The following RALY variants were observed in gnomAD, a reference collection of about 807,000 sequenced individuals.
The protein encoded by RALY is RALY heterogeneous nuclear ribonucleoprotein.
Under a neutral mutation model 30.7 loss-of-function variants are expected in RALY, and 15 were observed. The ratio of observed to expected loss-of-function variants is 0.49; its 90% CI spans 0.33 to 0.75. RALY has a LOEUF of 0.75. Ranked by LOEUF, RALY falls within the 30% of genes least tolerant of loss-of-function variation. The pLI is 0.02. For synonymous variants in RALY, 177 were observed against 170.8 expected (o/e 1.04, Z -0.28); for missense variants, 339 against 414.3 (o/e 0.82, Z 1.58).
At chr20:34,067,011 T>G (rs79078695) in intron 2 of RALY, among the ~76,000 whole-genome samples, 11,631 of 152,202 alleles carry the variant, frequency 0.076, 609 homozygotes, top group Non-Finnish European at 0.12. Context: ...CCATGTGCAA[T>G]CTTGCCCCTG....
chr20:34,019,627 C>T (rs754893108), intron 1 of RALY, among the ~76,000 whole-genome samples: 21 of 152,220 alleles, frequency 1.4e-4, no homozygotes, highest in Non-Finnish European at 2.9e-5. Context: ...CTGTTAGGTA[C>T]TGCAAGGGAC....
At position 34,050,043 on chromosome 20, in the gene RALY, G is replaced by A. The variant is rs79172142; in HGVS notation, c.-10+18439G>A. 3.1e-3 allele frequency among the ~76,000 whole-genome samples: 472 copies of A among 152,238 alleles called. 16 individuals are homozygous for A. Among genetic ancestry groups the A allele is most frequent in the East Asian group, 0.025 (130 of 5,178 alleles). On this transcript the variant is annotated intron_variant, in intron 2 of 9. Coordinates refer to ENST00000246194, the MANE Select transcript of RALY (RefSeq NM_016732.3). Reference sequence around the variant, plus strand: ...TAAACTTTTAAGATCATGTGCGCCCGTGCTCCCATCAGCTCCTGCTGTTCC... The same window carrying A: ...TAAACTTTTAAGATCATGTGCGCCCATGCTCCCATCAGCTCCTGCTGTTCC...
rs1310818448 is a variant in RALY at position 34,080,808 on chromosome 20, C to G, written c.*903C>G. On this transcript the variant is annotated 3_prime_UTR_variant, in exon 10 of 10. Coordinates refer to ENST00000246194, the MANE Select transcript of RALY (RefSeq NM_016732.3). ...CTGCTTACTCCAGCCTCTCCTGTTT[C>G]TTGTCACCACCCCTTTCCTGCCCCT... 5 of 152,558 alleles carry G rather than the reference C, an allele frequency of 3.3e-5. No homozygotes were observed. Among genetic ancestry groups the G allele is most frequent in the Middle Eastern group, 3.4e-3 (1 of 296 alleles). 9.5% of individuals were successfully genotyped at this position (152,558 alleles called of 1,614,324 possible).
At position 34,073,565 on chromosome 20, in the gene RALY, A is replaced by G. The variant is rs2033791494; in HGVS notation, c.259A>G (p.Ile87Val). 6.3e-7 allele frequency: 1 copy of G among 1,591,188 alleles called. No individual in the cohort carries two copies. Among genetic ancestry groups the G allele is most frequent in the Non-Finnish European group, 8.6e-7 (1 of 1,159,154 alleles). ...GRVLAGQTLD[I>V]NMAGEPKPDR... The stretch of plus-strand genomic sequence containing the variant: ...CTCTGCCTTCTCCCTCCACACAGAC[A>G]TCAACATGGCTGGAGAGCCTAAGCC... The change falls in exon 4 of 10, where the codon ATC (isoleucine) becomes GTC (valine). Residue 87 changes from isoleucine to valine, a missense_variant and splice_region_variant. Physicochemically the swap from Ile to Val is conservative, Grantham distance 29. Coordinates refer to ENST00000246194, the MANE Select transcript of RALY (RefSeq NM_016732.3).
intron 2 of RALY, among the ~76,000 whole-genome samples, chr20:34,057,242 T>A (rs987310053): frequency 2.0e-5 from 3 of 152,120 alleles, no homozygotes; most frequent in Admixed American, 2.0e-4. Context: ...TGGAAGGAAA[T>A]ACATGAACAT....
At chr20:34,054,658 T>C (rs1449993176) in intron 2 of RALY, among the ~76,000 whole-genome samples, 1 of 152,072 alleles carries the variant, frequency 6.6e-6, no homozygotes, top group Non-Finnish European at 1.5e-5. Context: ...AAACTTTGTC[T>C]CTACTAAAAA....
At chr20:34,077,692 T>G (rs1342615493) in intron 8 of RALY, 1 of 237,394 alleles carries the variant, frequency 4.2e-6, no homozygotes, top group Non-Finnish European at 8.3e-6. Context: ...CTAGAACTAT[T>G]CAGGCTGAGG....
chr20:34,041,159 G>C (rs2032685152), intron 2 of RALY, among the ~76,000 whole-genome samples: 1 of 152,188 alleles, frequency 6.6e-6, no homozygotes, highest in Admixed American at 6.5e-5. Flanking sequence ...AAGTTGAATA[G>C]AGAGAGTATT....
chr20:34,003,940 CCAAA>C (rs1281725920), intron 1 of RALY, among the ~76,000 whole-genome samples: 18 of 152,104 alleles, frequency 1.2e-4, no homozygotes, highest in Non-Finnish European at 2.2e-4. Flanking sequence ...TGCCCGGCCT[CCAAA>C]CAGTTTTAAA....
intron 1 of RALY, among the ~76,000 whole-genome samples, chr20:33,998,970 TAAAA>T (rs969595292): frequency 6.8e-6 from 1 of 147,564 alleles, no homozygotes; most frequent in Non-Finnish European, 1.5e-5. Context: ...CTACTAAAAA[TAAAA>T]AAAAAATTAG....
At chr20:34,077,721 A>G in intron 8 of RALY, 1 of 223,840 alleles carries the variant, frequency 4.5e-6, no homozygotes, top group Non-Finnish European at 9.0e-6. Context: ...CCATTTGACA[A>G]GGAGCTTATG....
intron 1 of RALY, among the ~76,000 whole-genome samples, chr20:34,023,709 T>C (rs1248680066): frequency 1.3e-5 from 2 of 152,050 alleles, no homozygotes; most frequent in Non-Finnish European, 2.9e-5. Context: ...GCACTGATCA[T>C]ATGCTGGAGT....
rs562777306 is a variant in RALY, at chr20:34,043,913, G to C, written c.-10+12309G>C. 2.0e-5 allele frequency among the ~76,000 whole-genome samples: 3 copies of C among 152,268 alleles called. No homozygotes were observed. The East Asian group carries it at 5.8e-4, about 29-fold the overall frequency. On this transcript the variant is annotated intron_variant, in intron 2 of 9. Coordinates refer to ENST00000246194, the MANE Select transcript of RALY (RefSeq NM_016732.3). ...TAATCACTCTGAATGGAAACCTGGA[G>C]AGAGTGCTTTAGGAGCTTGGAGGGG...
At chr20:33,997,170 C>T (rs1043093897) in intron 1 of RALY, among the ~76,000 whole-genome samples, 1 of 152,118 alleles carries the variant, frequency 6.6e-6, no homozygotes, top group Non-Finnish European at 1.5e-5. Flanking sequence ...GGCTGGATTG[C>T]GGTGGCACGA....
At chr20:34,065,582 T>C (rs574287371) in intron 2 of RALY, among the ~76,000 whole-genome samples, 1 of 152,348 alleles carries the variant, frequency 6.6e-6, no homozygotes, top group South Asian at 2.1e-4. Flanking sequence ...GAACCAGGGC[T>C]TGGCCAGTTT....
chr20:34,076,951 C>T (rs1201537752), intron 7 of RALY, 77 bp from the exon 8 acceptor site: 4 of 1,606,072 alleles, frequency 2.5e-6, no homozygotes, highest in Middle Eastern at 2.2e-4. Context: ...CTGAGGCCAG[C>T]TTCCGCTAAG....
rs1433953491 is a variant in RALY, at chr20:34,046,109, T to C, written c.-10+14505T>C. On this transcript the variant is annotated intron_variant, in intron 2 of 9. Coordinates refer to ENST00000246194, the MANE Select transcript of RALY (RefSeq NM_016732.3). ...TTGATTCAGGCCGGTGTCTTTGAAC[T>C]ACTACCCTCTGCAAAGACATGTTGC... Among the ~76,000 whole-genome samples the C allele has an allele frequency of 3.3e-5, 5 of 152,216 alleles. No homozygotes were observed. The East Asian group carries it at 9.6e-4, about 29-fold the overall frequency.
intron 1 of RALY, among the ~76,000 whole-genome samples, chr20:34,029,262 A>AC: frequency 6.6e-6 from 1 of 151,762 alleles, no homozygotes; most frequent in Non-Finnish European, 1.5e-5. Flanking sequence ...ACATGAAGAA[A>AC]CCCCGTCTTT....
intron 3 of RALY, 54 bp from the exon 4 acceptor site, chr20:34,073,509 G>T: frequency 6.7e-7 from 1 of 1,485,314 alleles, no homozygotes; most frequent in South Asian, 1.1e-5. Flanking sequence ...AGGTTGATGT[G>T]TGTGGGCACA....
Sources: allele counts gnomAD v4.1 joint callset (sites outside exome capture counted in the v4.1 genomes callset), GRCh38; gene constraint gnomAD v4.1.1; transcripts MANE v1.5; gene names NCBI Gene and HGNC (gene_info 2026-07-23, HGNC 2026-07-21).